The following SMS variants were observed in gnomAD, a reference collection of about 807,000 sequenced individuals.
SMS encodes the protein spermine synthase.
SMS carries 3 observed loss-of-function variants against 33.0 expected under a neutral mutation model. The ratio of observed to expected loss-of-function variants is 0.09; its 90% confidence interval spans 0.04 to 0.23. The LOEUF (loss-of-function observed/expected upper bound fraction) is 0.23. SMS is among the 10% of genes least tolerant of loss of function. The pLI, the probability that SMS is intolerant of heterozygous loss-of-function variation, is 1.00. For synonymous variants in SMS, 103 were observed against 112.2 expected (o/e 0.92, Z 0.52); for missense variants, 117 against 288.6 (o/e 0.41, Z 4.31).
intron 1 of SMS, among the ~76,000 whole-genome samples, chrX:21,958,403 A>G (rs1923118309): frequency 8.9e-6 from 1 of 112,373 alleles, no homozygotes; most frequent in Non-Finnish European, 1.9e-5. Context: ...CGTAAGTGGG[A>G]TTCTGAAGGC....
At chrX:21,970,032 C>T (rs1289230626) in intron 2 of SMS, among the ~76,000 whole-genome samples, 6 of 113,152 alleles carry the variant, frequency 5.3e-5, no homozygotes, top group Non-Finnish European at 9.4e-5. Context: ...AGGCTGGTCT[C>T]GAACTCCTGG....
At chrX:21,980,433 T>A (rs59546196) in intron 7 of SMS, among the ~76,000 whole-genome samples, 11,755 of 53,067 alleles carry the variant, frequency 0.22, 2,144 homozygotes, top group African/African-American at 0.52. Context: ...AAAAAAAATA[T>A]ATATATATAT....
intron 6 of SMS, among the ~76,000 whole-genome samples, 157 bp from the exon 7 acceptor site, chrX:21,978,720 G>T (rs955067902): frequency 8.9e-6 from 1 of 112,480 alleles, no homozygotes; most frequent in African/African-American, 3.2e-5. Flanking sequence ...AGTGTCCTTA[G>T]TGTGAAAATA....
chrX:21,973,733 A>G (rs1243972575), intron 4 of SMS, among the ~76,000 whole-genome samples: 5 of 113,352 alleles, frequency 4.4e-5, no homozygotes, highest in African/African-American at 1.3e-4. Context: ...ATGGCTATTT[A>G]AAGTTAATTA....
At position 21,971,735 on chromosome X, in the gene SMS, C is replaced by A. The variant is rs12013805; in HGVS notation, c.171-162C>A. Among the ~76,000 whole-genome samples, 31,044 of 110,694 alleles carry A rather than the reference C, an allele frequency of 0.28. 3,284 individuals are homozygous for A. Among genetic ancestry groups the A allele is most frequent in the African/African-American group, 0.35 (10,608 of 30,364 alleles). On this transcript the variant is annotated intron_variant, in intron 2 of 10. Coordinates refer to ENST00000404933, the MANE Select transcript of SMS (RefSeq NM_004595.5). ...CCACAAATGATTGGTAGTTTCTCCC[C>A]GCAAGACGCAGCCCTAGTAAGAAAG...
intron 9 of SMS, among the ~76,000 whole-genome samples, chrX:21,992,333 TAAG>T (rs1925810189): frequency 8.9e-6 from 1 of 112,741 alleles, no homozygotes; most frequent in Non-Finnish European, 1.9e-5. Context: ...GTGTCACTAA[TAAG>T]AAATTGGTTT....
chrX:21,971,210 A>C (rs1031162007), intron 2 of SMS, among the ~76,000 whole-genome samples: 47 of 110,766 alleles, frequency 4.2e-4, no homozygotes, highest in African/African-American at 1.3e-3. Context: ...AAAAAAAAAA[A>C]CCAACATGCA....
intron 1 of SMS, among the ~76,000 whole-genome samples, chrX:21,948,995 G>C (rs1922427430): frequency 8.9e-6 from 1 of 112,031 alleles, no homozygotes; most frequent in Non-Finnish European, 1.9e-5. Context: ...CACTTTTCCA[G>C]ACCCCAGGAA....
At chrX:21,991,477 C>T (rs183358038) in intron 9 of SMS, among the ~76,000 whole-genome samples, 10 of 112,166 alleles carry the variant, frequency 8.9e-5, no homozygotes, top group East Asian at 2.8e-4. Context: ...GCATGCCCAG[C>T]GAACAGTAAT....
intron 1 of SMS, among the ~76,000 whole-genome samples, chrX:21,943,359 A>C (rs912750882): frequency 3.6e-5 from 4 of 111,960 alleles, no homozygotes; most frequent in African/African-American, 9.8e-5. Context: ...TGGGGCTGAC[A>C]CTGTCCAGGA....
intron 7 of SMS, among the ~76,000 whole-genome samples, chrX:21,980,604 T>C (rs1400395226): frequency 9.2e-6 from 1 of 108,444 alleles, no homozygotes; most frequent in Non-Finnish European, 1.9e-5. Context: ...ATAGAAAATA[T>C]AATAGATAGC....
chrX:21,975,430 C>G (rs1924474685), intron 4 of SMS, among the ~76,000 whole-genome samples: 1 of 111,842 alleles, frequency 8.9e-6, no homozygotes, highest in Admixed American at 9.5e-5. Context: ...AGTGGGTTTG[C>G]CTGTAGTGCA....
intron 1 of SMS, among the ~76,000 whole-genome samples, chrX:21,959,073 C>G (rs1923165711): frequency 9.0e-6 from 1 of 111,632 alleles, no homozygotes; most frequent in African/African-American, 3.3e-5. Flanking sequence ...TCTGTGTCAG[C>G]TTGGGTTGTG....
In SMS at chrX:21,994,605, A is replaced by G. The variant is rs1356443281; in HGVS notation, c.*254A>G. 6.7e-6 allele frequency: 6 copies of G among 895,922 alleles called. No individual in the cohort carries two copies. The Admixed American group carries it at 2.4e-4, about 35-fold the overall frequency. 73.8% of individuals were successfully genotyped at this position (895,922 alleles called of 1,213,427 possible). ...ACTGCTAAATGCACTGACCCCCCCCATTAGAATGTGATTTTTGTTCCTTTT... is the reference window on the plus strand; with the variant it reads ...ACTGCTAAATGCACTGACCCCCCCCGTTAGAATGTGATTTTTGTTCCTTTT... On this transcript the variant is annotated 3_prime_UTR_variant, in exon 11 of 11. Transcript: ENST00000404933.
intron 5 of SMS, among the ~76,000 whole-genome samples, chrX:21,977,652 C>T (rs1467091922): frequency 9.0e-6 from 1 of 111,582 alleles, no homozygotes; most frequent in Non-Finnish European, 1.9e-5. Context: ...TATTTTGAAG[C>T]AGCTCACAGA....
At chrX:21,943,606 C>T (rs1921978301) in intron 1 of SMS, among the ~76,000 whole-genome samples, 1 of 108,738 alleles carries the variant, frequency 9.2e-6, no homozygotes, top group Non-Finnish European at 1.9e-5. Context: ...GCAAGGCGAA[C>T]ATTCTAGAAA....
At chrX:21,987,534 G>A (rs1391644326) in intron 9 of SMS, among the ~76,000 whole-genome samples, 3 of 112,258 alleles carry the variant, frequency 2.7e-5, no homozygotes, top group East Asian at 5.6e-4. Flanking sequence ...TGTTGCCCAG[G>A]TTGGCCTTAA....
intron 7 of SMS, 139 bp downstream of exon 7, chrX:21,979,105 A>G: frequency 2.0e-6 from 1 of 496,529 alleles, no homozygotes; most frequent in African/African-American, 2.3e-5. Context: ...TATGAGTTAT[A>G]TGTATATTTG....
Position 21,940,869 on chromosome X carries a change from C to G in SMS, c.45C>G (p.Ala15=), listed in dbSNP as rs1300131974. The G allele has an allele frequency of 1.3e-5, 14 of 1,095,785 alleles. No individual in the cohort carries two copies. In the African/African-American group the frequency reaches 2.3e-4, roughly 18 times the overall value. The allele number at this position is 1,095,785 out of a possible 1,213,427, so 90.3% of individuals were successfully genotyped here. A position where few individuals can be genotyped will look rare whatever the true frequency, so the allele number is the denominator to read the frequency against. The change falls in exon 1 of 11, where the codon GCC becomes GCG. Residue 15 remains alanine (A), a synonymous_variant. Coordinates refer to ENST00000404933, the MANE Select transcript of SMS (RefSeq NM_004595.5). The part of the protein sequence containing the change: ...RHSTLDFMLG[A]KADGETILKG... The stretch of plus-strand genomic sequence containing the variant: ...GCACGCTCGACTTCATGCTCGGCGC[C>G]AAAGGTGAGGGCGCCCGCCGCCACC...
Sources: gnomAD v4.1 joint callset for allele counts (sites outside exome capture counted in the v4.1 genomes callset) on GRCh38, gnomAD v4.1.1 for gene constraint, MANE v1.5 for transcripts, NCBI Gene and HGNC (gene_info 2026-07-23, HGNC 2026-07-21) for gene names.